The following ARHGAP6 variants were observed in gnomAD, a reference collection of about 807,000 sequenced individuals.
The protein encoded by ARHGAP6 is rho GTPase-activating protein 6.
Under a neutral mutation model 55.7 loss-of-function variants are expected in ARHGAP6, and 16 were observed. The ratio of observed to expected loss-of-function variants is 0.29; its 90% confidence interval spans 0.19 to 0.44. The LOEUF (loss-of-function observed/expected upper bound fraction) is 0.44, where lower values mean the gene tolerates loss of function less well. ARHGAP6 is among the 20% of genes least tolerant of loss of function. ARHGAP6 has a pLI of 1.00. For missense variants in ARHGAP6, 698 were observed against 808.9 expected (o/e 0.86, Z 1.66); for synonymous variants, 382 against 360.9 (o/e 1.06, Z -0.66).
intron 1 of ARHGAP6, among the ~76,000 whole-genome samples, chrX:11,360,523 A>G (rs2048995641): frequency 9.1e-6 from 1 of 109,407 alleles, no homozygotes; most frequent in Non-Finnish European, 1.9e-5. Flanking sequence ...AATAAGAGCT[A>G]TCTATGACAA....
At chrX:11,197,123 G>C (rs2046552224) in intron 2 of ARHGAP6, 127 bp from the exon 3 acceptor site, 3 of 434,054 alleles carry the variant, frequency 6.9e-6, no homozygotes, top group Non-Finnish European at 1.2e-5. Context: ...ATTTTAAGCA[G>C]AGTAACAGCT....
chrX:11,377,489 T>C (rs754086598), intron 1 of ARHGAP6, among the ~76,000 whole-genome samples: 2 of 112,235 alleles, frequency 1.8e-5, no homozygotes, highest in East Asian at 5.6e-4. Context: ...TGGTAATGGA[T>C]GCACAACTAG....
At chrX:11,517,010 A>G (rs895040733) in intron 1 of ARHGAP6, among the ~76,000 whole-genome samples, 9 of 112,097 alleles carry the variant, frequency 8.0e-5, no homozygotes, top group African/African-American at 2.3e-4. Context: ...CCAGAACTCA[A>G]AATCCATGCT....
intron 2 of ARHGAP6, among the ~76,000 whole-genome samples, chrX:11,199,778 T>A (rs900986370): frequency 3.1e-4 from 35 of 112,256 alleles, no homozygotes; most frequent in African/African-American, 1.1e-3. Context: ...TTCACTTAAT[T>A]AGATAGCGGT....
At chrX:11,656,149 T>A (rs2052634818) in intron 1 of ARHGAP6, among the ~76,000 whole-genome samples, 1 of 112,515 alleles carries the variant, frequency 8.9e-6, no homozygotes, top group Non-Finnish European at 1.9e-5. Flanking sequence ...ATCCATATCA[T>A]TAAGCCCAAA....
chrX:11,558,830 C>A (rs2051350237), intron 1 of ARHGAP6, among the ~76,000 whole-genome samples: 1 of 50,382 alleles, frequency 2.0e-5, no homozygotes, highest in South Asian at 1.6e-3. Flanking sequence ...GAGCAAGATT[C>A]CATCTCAAAA....
intron 1 of ARHGAP6, among the ~76,000 whole-genome samples, chrX:11,614,287 G>T (rs1287394408): frequency 8.9e-6 from 1 of 111,814 alleles, no homozygotes; most frequent in Non-Finnish European, 1.9e-5. Context: ...TTGCTATAAA[G>T]AACTACCTGA....
At chrX:11,339,463 T>C (rs2048677769) in intron 1 of ARHGAP6, among the ~76,000 whole-genome samples, 1 of 110,545 alleles carries the variant, frequency 9.0e-6, no homozygotes, top group Admixed American at 9.7e-5. Context: ...TTTACACATA[T>C]CTGTGTGACT....
Position 11,664,543 on chromosome X carries a change from GAGGCGGTAGCCT to G in ARHGAP6, c.274_285del (p.Arg92_Pro95del). The G allele has an allele frequency of 8.3e-7, 1 of 1,198,552 alleles. No individual in the cohort carries two copies. Among genetic ancestry groups the G allele is most frequent in the South Asian group, 1.8e-5 (1 of 54,954 alleles). On this transcript the variant is annotated inframe_deletion, in exon 1 of 13. Coordinates refer to ENST00000337414, the MANE Select transcript of ARHGAP6 (RefSeq NM_013427.3). The stretch of plus-strand genomic sequence containing the variant: ...GAGAAGGACGAGCAAAGAGGTCCAG[GAGGCGGTAGCCT>G]GGTGGCCCTGGGGGGCGGACCCCGG...
intron 1 of ARHGAP6, among the ~76,000 whole-genome samples, chrX:11,596,870 G>C (rs930460959): frequency 1.1e-4 from 12 of 111,936 alleles, no homozygotes; most frequent in Admixed American, 1.9e-4. Flanking sequence ...ACCCAAGCAT[G>C]TAATTATTTT....
chrX:11,203,885 C>G (rs757747579), intron 2 of ARHGAP6, among the ~76,000 whole-genome samples: 1 of 112,076 alleles, frequency 8.9e-6, no homozygotes, highest in Non-Finnish European at 1.9e-5. Flanking sequence ...TGTAAAATAT[C>G]TTCCCTTTAG....
chrX:11,273,872 C>T (rs940535479), intron 1 of ARHGAP6, among the ~76,000 whole-genome samples: 1 of 111,046 alleles, frequency 9.0e-6, no homozygotes, highest in Admixed American at 9.6e-5. Flanking sequence ...TAGTGTGTAC[C>T]CATTATTATT....
At chrX:11,276,218 C>T (rs191573250) in intron 1 of ARHGAP6, among the ~76,000 whole-genome samples, 1 of 111,371 alleles carries the variant, frequency 9.0e-6, no homozygotes, top group African/African-American at 3.3e-5. Context: ...TCATCTCCCC[C>T]CGACCCTGCC....
intron 1 of ARHGAP6, among the ~76,000 whole-genome samples, chrX:11,629,571 G>C (rs183805465): frequency 6.6e-4 from 73 of 109,808 alleles, no homozygotes; most frequent in African/African-American, 2.3e-3. Flanking sequence ...ATTCTCAATA[G>C]GACATTGAAT....
At chrX:11,477,795 C>A (rs1001787460) in intron 1 of ARHGAP6, among the ~76,000 whole-genome samples, 4 of 111,583 alleles carry the variant, frequency 3.6e-5, no homozygotes, top group Admixed American at 1.9e-4. Flanking sequence ...TCTAGACAAA[C>A]AAAACTAATC....
chrX:11,625,415 C>T (rs1327481293), intron 1 of ARHGAP6, among the ~76,000 whole-genome samples: 1 of 110,371 alleles, frequency 9.1e-6, no homozygotes, highest in Non-Finnish European at 1.9e-5. Context: ...AACTGGAGGA[C>T]ATTATGTTAG....
At chrX:11,599,638 G>A (rs1178058775) in intron 1 of ARHGAP6, among the ~76,000 whole-genome samples, 1 of 111,736 alleles carries the variant, frequency 8.9e-6, no homozygotes, top group East Asian at 2.8e-4. Flanking sequence ...CAGGGAAATG[G>A]AGAGATGTTG....
chrX:11,481,819 G>A (rs1453638441), intron 1 of ARHGAP6, among the ~76,000 whole-genome samples: 1 of 112,472 alleles, frequency 8.9e-6, no homozygotes, highest in Non-Finnish European at 1.9e-5. Context: ...GCTCACTAAT[G>A]GCAGGTAAAT....
intron 1 of ARHGAP6, among the ~76,000 whole-genome samples, chrX:11,503,665 C>T (rs1442308866): frequency 9.0e-6 from 1 of 111,550 alleles, no homozygotes; most frequent in Non-Finnish European, 1.9e-5. Flanking sequence ...TGGAAACGTT[C>T]TTTCTCTCTC....
Sources: allele counts gnomAD v4.1 joint callset (sites outside exome capture counted in the v4.1 genomes callset), GRCh38; gene constraint gnomAD v4.1.1; transcripts MANE v1.5; gene names NCBI Gene and HGNC (gene_info 2026-07-23, HGNC 2026-07-21).